The following EPM2A variants were observed in gnomAD, a reference collection of about 807,000 sequenced individuals.
EPM2A encodes the protein EPM2A glucan phosphatase, laforin.
In EPM2A, 21 loss-of-function variants were observed where a neutral mutation model predicts 26.5. The ratio of observed to expected loss-of-function variants is 0.79; its 90% confidence interval spans 0.56 to 1.14. EPM2A has a LOEUF of 1.14. Ranked by LOEUF, EPM2A falls within the 50% of genes most tolerant of loss-of-function variation. The pLI is 0.00. For synonymous variants in EPM2A, 217 were observed against 177.6 expected (o/e 1.22, Z -1.76); for missense variants, 458 against 440.8 (o/e 1.04, Z -0.35).
intron 4 of EPM2A, among the ~76,000 whole-genome samples, chr6:145,429,224 T>G (rs1249251854): frequency 1.3e-5 from 2 of 152,218 alleles, no homozygotes; most frequent in African/African-American, 4.8e-5. Context: ...ACTGTTCACC[T>G]TAACCATCCA....
At chr6:145,711,154 T>G (rs1200596076) in intron 1 of EPM2A, among the ~76,000 whole-genome samples, 4 of 152,146 alleles carry the variant, frequency 2.6e-5, no homozygotes, top group Non-Finnish European at 5.9e-5. Flanking sequence ...ATTGAAATAT[T>G]TCAACTGCAG....
chr6:145,627,825 T>C (rs1304317575), intron 3 of EPM2A, 132 bp from the exon 4 acceptor site: 17 of 1,322,972 alleles, frequency 1.3e-5, no homozygotes, highest in Middle Eastern at 2.6e-4. Context: ...TTTGCTTTCT[T>C]TCTGCATTGT....
intron 4 of EPM2A, among the ~76,000 whole-genome samples, chr6:145,437,262 C>G (rs867017246): frequency 4.1e-4 from 62 of 152,184 alleles, no homozygotes; most frequent in African/African-American, 1.4e-3. Context: ...GCTTACTTCC[C>G]CTTCGCCTTC....
chr6:145,649,183 T>C (rs1049030915), intron 2 of EPM2A, among the ~76,000 whole-genome samples: 2 of 152,152 alleles, frequency 1.3e-5, no homozygotes, highest in East Asian at 1.9e-4. Context: ...AGATGTGACA[T>C]GGAGGTAGGA....
chr6:145,443,950 C>T (rs1779099741), intron 4 of EPM2A, among the ~76,000 whole-genome samples: 1 of 152,162 alleles, frequency 6.6e-6, no homozygotes, highest in South Asian at 2.1e-4. Flanking sequence ...TGAGGCCTCC[C>T]CAGCCATGTG....
At chr6:145,683,704 T>G (rs988530670) in intron 2 of EPM2A, among the ~76,000 whole-genome samples, 10 of 152,114 alleles carry the variant, frequency 6.6e-5, no homozygotes, top group Non-Finnish European at 1.5e-4. Context: ...CAACAGACCC[T>G]GCCTGTCTTT....
chr6:145,490,100 T>G (rs1459939815), intron 4 of EPM2A: 1 of 1,244,206 alleles, frequency 8.0e-7, no homozygotes, highest in Admixed American at 2.2e-5. Context: ...CTTCCCAATT[T>G]GTTATATAAT....
intron 4 of EPM2A, among the ~76,000 whole-genome samples, chr6:145,437,301 C>T (rs1256248778): frequency 6.6e-6 from 1 of 152,080 alleles, no homozygotes; most frequent in Non-Finnish European, 1.5e-5. Flanking sequence ...CCTAAGGCCT[C>T]CCATTCATGC....
At chr6:145,469,883 A>G (rs527520297) in intron 4 of EPM2A, among the ~76,000 whole-genome samples, 20 of 152,284 alleles carry the variant, frequency 1.3e-4, no homozygotes, top group African/African-American at 4.6e-4. Flanking sequence ...CATGGATGGA[A>G]CTTGAGATCA....
intron 1 of EPM2A, among the ~76,000 whole-genome samples, chr6:145,723,132 T>C (rs1341238583): frequency 6.6e-6 from 1 of 152,200 alleles, no homozygotes; most frequent in Non-Finnish European, 1.5e-5. Context: ...ATATCAAATA[T>C]GCTCTAACAT....
intron 2 of EPM2A, among the ~76,000 whole-genome samples, chr6:145,537,430 C>T (rs967833935): frequency 5.9e-5 from 9 of 152,214 alleles, no homozygotes; most frequent in African/African-American, 1.9e-4. Context: ...ACTCATTAGA[C>T]ATAACTTATT....
chr6:145,395,672 C>T (rs1041200689), intron 4 of EPM2A, among the ~76,000 whole-genome samples: 2 of 152,150 alleles, frequency 1.3e-5, no homozygotes, highest in Non-Finnish European at 2.9e-5. Flanking sequence ...TCACTGTAAC[C>T]TCCTTAACCC....
At chr6:145,485,626 C>T (rs1197931180) in intron 4 of EPM2A, among the ~76,000 whole-genome samples, 1 of 152,138 alleles carries the variant, frequency 6.6e-6, no homozygotes, top group South Asian at 2.1e-4. Flanking sequence ...AAATTCAGAG[C>T]ATGGAAGCCT....
chr6:145,584,886 C>T (rs948672730), intron 2 of EPM2A, among the ~76,000 whole-genome samples: 9 of 152,160 alleles, frequency 5.9e-5, no homozygotes, highest in African/African-American at 1.4e-4. Context: ...TGGGAGATGT[C>T]CCTCCGGGCT....
At chr6:145,724,665 T>A (rs140020575) in intron 1 of EPM2A, among the ~76,000 whole-genome samples, 4 of 152,004 alleles carry the variant, frequency 2.6e-5, no homozygotes, top group African/African-American at 9.7e-5. Flanking sequence ...AAACCAGACA[T>A]ATAGAACTGA....
At chr6:145,542,893 G>A (rs1176969794) in intron 2 of EPM2A, among the ~76,000 whole-genome samples, 1 of 152,096 alleles carries the variant, frequency 6.6e-6, no homozygotes, top group African/African-American at 2.4e-5. Context: ...CGCGTAGCTG[G>A]GATTACAGGC....
intron 2 of EPM2A, among the ~76,000 whole-genome samples, chr6:145,514,921 G>C (rs866038979): frequency 1.3e-5 from 2 of 152,300 alleles, no homozygotes; most frequent in Admixed American, 6.5e-5. Context: ...TGTCACCTAG[G>C]TTGGCCTAAA....
At chr6:145,721,232 G>A (rs186479264) in intron 1 of EPM2A, 2 of 152,144 alleles carry the variant, frequency 1.3e-5, no homozygotes, top group East Asian at 1.9e-4. Flanking sequence ...AGGATAAAAC[G>A]CTACATTCAT....
At position 145,490,012 on chromosome 6, in the gene EPM2A, T is replaced by C. The variant is rs1582794731; in HGVS notation, c.555+12510A>G. The C allele has an allele frequency of 3.0e-6, 4 of 1,351,580 alleles. No individual in the cohort carries two copies. In the East Asian group the frequency reaches 9.2e-5, roughly 31 times the overall value. 83.7% of individuals were successfully genotyped at this position (1,351,580 alleles called of 1,614,324 possible). A position where few individuals can be genotyped will look rare whatever the true frequency, so the allele number is the denominator to read the frequency against. On this transcript the variant is annotated intron_variant, in intron 4 of 4. Transcript: ENST00000638717. ...CCTGGAGCAGATCTGGATGGACGTG[T>C]TCCACAGTCACTTGTGCTGAATCCA...
Sources: gnomAD v4.1 joint callset for allele counts (sites outside exome capture counted in the v4.1 genomes callset) on GRCh38, gnomAD v4.1.1 for gene constraint, MANE v1.5 for transcripts, NCBI Gene and HGNC (gene_info 2026-07-23, HGNC 2026-07-21) for gene names.